The following FAM3C variants were observed in gnomAD, a reference collection of about 807,000 sequenced individuals.
FAM3C encodes protein FAM3C.
Under a neutral mutation model 32.5 loss-of-function variants are expected in FAM3C, and 15 were observed. That is an observed-to-expected ratio of 0.46 (90% CI 0.31 to 0.71). The LOEUF is 0.71. Among genes scored for constraint, FAM3C ranks in the 30% least tolerant of loss-of-function variants. The pLI, the probability that FAM3C is intolerant of heterozygous loss-of-function variation, is 0.05. For missense variants in FAM3C, 175 were observed against 274.4 expected, an observed-to-expected ratio of 0.64 and a Z score of 2.56; for synonymous variants, 75 against 86.1, an observed-to-expected ratio of 0.87 and a Z score of 0.72.
At chr7:121,351,325 C>A in intron 8 of FAM3C, 56 bp from the exon 9 acceptor site, 2 of 1,455,274 alleles carry the variant, frequency 1.4e-6, no homozygotes, top group Non-Finnish European at 1.9e-6. Flanking sequence ...TATGCTAATA[C>A]TGGTTCACTG....
intron 1 of FAM3C, among the ~76,000 whole-genome samples, chr7:121,395,228 T>C (rs754216107): frequency 1.5e-4 from 22 of 150,800 alleles, no homozygotes; most frequent in Admixed American, 2.7e-4. Context: ...TACATATATA[T>C]GGATACATAC....
intron 3 of FAM3C, 41 bp downstream of exon 3, chr7:121,378,869 A>T (rs1794294111): frequency 8.8e-7 from 1 of 1,140,702 alleles, no homozygotes; most frequent in African/African-American, 1.6e-5. Flanking sequence ...TTTAGGCCAC[A>T]TCAAAAATAA....
intron 2 of FAM3C, among the ~76,000 whole-genome samples, chr7:121,381,629 G>GT (rs1262667216): frequency 1.3e-5 from 2 of 150,522 alleles, no homozygotes; most frequent in Admixed American, 6.6e-5. Flanking sequence ...ATCATAAATA[G>GT]TAAGTCCTGC....
intron 2 of FAM3C, among the ~76,000 whole-genome samples, chr7:121,380,520 A>T (rs1191238153): frequency 1.3e-5 from 2 of 151,944 alleles, no homozygotes; most frequent in East Asian, 3.9e-4. Context: ...AACATAAAGA[A>T]GGGAAAAACA....
intron 3 of FAM3C, among the ~76,000 whole-genome samples, chr7:121,372,770 C>G (rs1794173635): frequency 6.6e-6 from 1 of 152,168 alleles, no homozygotes; most frequent in South Asian, 2.1e-4. Flanking sequence ...GATTATAACT[C>G]AGATCATCAG....
At chr7:121,357,846 A>G (rs761422189) in intron 8 of FAM3C, among the ~76,000 whole-genome samples, 4 of 152,162 alleles carry the variant, frequency 2.6e-5, no homozygotes, top group African/African-American at 7.2e-5. Context: ...AGTTGTGGCT[A>G]TAATTTATTA....
chr7:121,367,452 T>C (rs1437600354), intron 5 of FAM3C, among the ~76,000 whole-genome samples: 4 of 152,206 alleles, frequency 2.6e-5, no homozygotes, highest in African/African-American at 4.8e-5. Context: ...TAAATGATTA[T>C]GTAAGTACAT....
rs531930700 is a variant in FAM3C, at chr7:121,356,673, G to A, written c.467+3370C>T. On this transcript the variant is annotated intron_variant, in intron 8 of 9. Transcript: ENST00000359943. ...TTGCCCAGGCTCCAATGCTGCTTTA[G>A]GTGACCTTTAAGATCCCTTCTTACT... Among the ~76,000 whole-genome samples, 25 of 152,262 alleles carry A rather than the reference G, an allele frequency of 1.6e-4. No individual in the cohort carries two copies. In the South Asian group the frequency reaches 3.9e-3, roughly 24 times the overall value.
At chr7:121,369,524 C>T (rs552002662) in intron 5 of FAM3C, among the ~76,000 whole-genome samples, 3 of 152,282 alleles carry the variant, frequency 2.0e-5, no homozygotes, top group African/African-American at 7.2e-5. Context: ...GGATAGGTGG[C>T]CTGCCTCATT....
chr7:121,383,175 G>C (rs1794392965), intron 1 of FAM3C, among the ~76,000 whole-genome samples, 165 bp from the exon 2 acceptor site: 1 of 151,714 alleles, frequency 6.6e-6, no homozygotes, highest in Admixed American at 6.6e-5. Flanking sequence ...TCTTCCACTG[G>C]ACCATAAGAC....
At chr7:121,360,669 CA>C (rs534276023) in intron 7 of FAM3C, among the ~76,000 whole-genome samples, 1 of 151,846 alleles carries the variant, frequency 6.6e-6, no homozygotes, top group African/African-American at 2.4e-5. Context: ...CTCATCTCAA[CA>C]AAAAAATTTA....
chr7:121,352,554 A>T (rs1386380558), intron 8 of FAM3C, among the ~76,000 whole-genome samples: 6 of 152,210 alleles, frequency 3.9e-5, no homozygotes, highest in African/African-American at 1.4e-4. Context: ...AGCCAAGTGA[A>T]CTAAAAAGAA....
intron 7 of FAM3C, among the ~76,000 whole-genome samples, chr7:121,362,523 C>T (rs949447632): frequency 6.6e-5 from 10 of 151,780 alleles, no homozygotes; most frequent in Admixed American, 5.2e-4. Context: ...ATTCCTATCA[C>T]TTAGGAATGC....
intron 4 of FAM3C, among the ~76,000 whole-genome samples, 177 bp from the exon 5 acceptor site, chr7:121,371,600 T>TA (rs999103497): frequency 8.6e-5 from 13 of 151,038 alleles, no homozygotes; most frequent in African/African-American, 2.4e-4. Context: ...AAAATTTTTT[T>TA]AAAAAAAAAC....
intron 8 of FAM3C, among the ~76,000 whole-genome samples, chr7:121,352,724 T>C (rs2116864836): frequency 6.6e-6 from 1 of 152,346 alleles, no homozygotes; most frequent in East Asian, 1.9e-4. Context: ...TTTCCACTTG[T>C]TTGCTCACTT....
chr7:121,370,565 T>C (rs1288169825), intron 5 of FAM3C, among the ~76,000 whole-genome samples: 1 of 152,162 alleles, frequency 6.6e-6, no homozygotes, highest in Non-Finnish European at 1.5e-5. Flanking sequence ...AAAAGTAGGA[T>C]TTGCAATTTC....
In FAM3C at chr7:121,351,195, T is replaced by C. The variant is rs757708170; in HGVS notation, c.542A>G (p.Asn181Ser). ...GCCCTTCCCACCACAGAAGACCCAG[T>C]TGTCTCTAAAACCAAGATTAGTAAT... ...TSITNLGFRD[N>S]WVFCGGKGIK... is the part of the protein sequence containing the mutation. Residue 181 changes from asparagine (N) to serine (S), a missense_variant, in exon 9 of 10, where the codon AAC becomes AGC. Coordinates refer to ENST00000359943, the MANE Select transcript of FAM3C (RefSeq NM_014888.3). 3 of 1,613,752 alleles carry C rather than the reference T, an allele frequency of 1.9e-6. No individual in the cohort carries two copies. The Admixed American group carries it at 5.0e-5, about 27-fold the overall frequency.
intron 1 of FAM3C, among the ~76,000 whole-genome samples, chr7:121,389,148 GGGAGA>G (rs1326938619): frequency 6.6e-6 from 1 of 152,122 alleles, no homozygotes; most frequent in Non-Finnish European, 1.5e-5. Flanking sequence ...ACTTAGTGTA[GGGAGA>G]GGCAGCCAAG....
intron 2 of FAM3C, among the ~76,000 whole-genome samples, chr7:121,382,388 C>G (rs1794375315): frequency 1.3e-5 from 2 of 152,046 alleles, no homozygotes; most frequent in Admixed American, 1.3e-4. Context: ...TTTATCGAAT[C>G]CTTCACACAC....
Sources: gnomAD v4.1 joint callset for allele counts (sites outside exome capture counted in the v4.1 genomes callset) on GRCh38, gnomAD v4.1.1 for gene constraint, MANE v1.5 for transcripts, NCBI Gene and HGNC (gene_info 2026-07-23, HGNC 2026-07-21) for gene names.